GABRB2: variants seen among roughly 807,000 people sequenced by gnomAD.
GABRB2 encodes the protein gamma-aminobutyric acid type A receptor subunit beta2, also known as gamma-aminobutyric acid receptor subunit beta-2.
In GABRB2, 16 loss-of-function variants were observed where a neutral mutation model predicts 54.7. The observed-to-expected ratio is 0.29, with a 90% CI of 0.20 to 0.44. The LOEUF is 0.44. GABRB2 is among the 20% of genes least tolerant of loss of function. GABRB2 has a pLI of 1.00. For missense variants in GABRB2, 355 were observed against 644.0 expected (o/e 0.55, Z 4.86); for synonymous variants, 244 against 233.8 (o/e 1.04, Z -0.40).
chr5:161,375,248 A>G (rs1371731477), intron 5 of GABRB2, among the ~76,000 whole-genome samples: 1 of 152,236 alleles, frequency 6.6e-6, no homozygotes, highest in African/African-American at 2.4e-5. Context: ...TCTTCATGAT[A>G]CAGGTTACAA....
chr5:161,501,901 C>A (rs1759456642), intron 3 of GABRB2, among the ~76,000 whole-genome samples: 2 of 148,072 alleles, frequency 1.4e-5, no homozygotes, highest in African/African-American at 4.9e-5. Flanking sequence ...ATAAACATTT[C>A]ATTATTAAAA....
rs1757201759 is a variant in GABRB2, at chr5:161,290,319, C to G, written c.*3762G>C. 1.3e-5 allele frequency: 2 copies of G among 151,834 alleles called. No individual in the cohort carries two copies. Among genetic ancestry groups the G allele is most frequent in the African/African-American group, 2.4e-5 (1 of 41,198 alleles). 9.4% of individuals were successfully genotyped at this position (151,834 alleles called of 1,614,324 possible). A position where few individuals can be genotyped will look rare whatever the true frequency, so the allele number is the denominator to read the frequency against. On this transcript the variant is annotated 3_prime_UTR_variant, in exon 10 of 10. Coordinates refer to ENST00000393959, the MANE Select transcript of GABRB2 (RefSeq NM_001371727.1). The stretch of plus-strand genomic sequence containing the variant: ...TTTCTTAAGACATGTTTGTTTTTGA[C>G]TCACCAATGGACAATGTTATTTGTT...
chr5:161,512,867 C>T (rs1759820048), intron 3 of GABRB2, among the ~76,000 whole-genome samples: 2 of 150,020 alleles, frequency 1.3e-5, no homozygotes, highest in Non-Finnish European at 1.5e-5. Context: ...ATTAAACAAG[C>T]AAAAAAAATT....
At chr5:161,304,102 G>A (rs944740238) in intron 9 of GABRB2, among the ~76,000 whole-genome samples, 11 of 152,182 alleles carry the variant, frequency 7.2e-5, no homozygotes, top group African/African-American at 2.7e-4. Context: ...TAAGGCTAGG[G>A]AGGTCATATA....
intron 3 of GABRB2, among the ~76,000 whole-genome samples, chr5:161,520,953 T>C (rs1377567260): frequency 6.6e-6 from 1 of 152,012 alleles, no homozygotes; most frequent in Non-Finnish European, 1.5e-5. Flanking sequence ...AGGGATAAAA[T>C]AATACTTATT....
chr5:161,496,779 G>A (rs187281154), intron 3 of GABRB2, among the ~76,000 whole-genome samples: 112 of 152,212 alleles, frequency 7.4e-4, no homozygotes, highest in Admixed American at 1.2e-3. Context: ...ACTGGATAAT[G>A]TGATATTTTT....
chr5:161,494,618 G>A (rs1398221834), intron 3 of GABRB2, among the ~76,000 whole-genome samples: 1 of 150,006 alleles, frequency 6.7e-6, no homozygotes, highest in African/African-American at 2.4e-5. Flanking sequence ...ATCTTCCAAA[G>A]TATAAAAAGT....
chr5:161,505,705 A>T (rs1581041558), intron 3 of GABRB2, among the ~76,000 whole-genome samples: 1 of 152,226 alleles, frequency 6.6e-6, no homozygotes, highest in Non-Finnish European at 1.5e-5. Context: ...TGATCTCATC[A>T]CTAAGTTCAG....
At chr5:161,451,217 A>G (rs1260499387) in intron 4 of GABRB2, among the ~76,000 whole-genome samples, 1 of 152,146 alleles carries the variant, frequency 6.6e-6, no homozygotes, top group Non-Finnish European at 1.5e-5. Flanking sequence ...ACAAAGCAGG[A>G]GGTGGTTGAA....
intron 5 of GABRB2, among the ~76,000 whole-genome samples, chr5:161,398,402 T>C (rs955500453): frequency 6.6e-6 from 1 of 152,154 alleles, no homozygotes; most frequent in African/African-American, 2.4e-5. Flanking sequence ...CAAAACTGAC[T>C]TTGGCTAAAT....
intron 5 of GABRB2, among the ~76,000 whole-genome samples, chr5:161,366,037 G>T (rs1754962632): frequency 6.7e-6 from 1 of 150,328 alleles, no homozygotes; most frequent in South Asian, 2.1e-4. Context: ...GAATTCGCAT[G>T]AAAAGTTGTC....
intron 4 of GABRB2, among the ~76,000 whole-genome samples, chr5:161,450,595 A>G (rs1757763305): frequency 6.6e-6 from 1 of 152,130 alleles, no homozygotes; most frequent in Admixed American, 6.6e-5. Context: ...AGCAACAATA[A>G]TAACAAGCCC....
intron 4 of GABRB2, among the ~76,000 whole-genome samples, chr5:161,440,062 C>CAAAA (rs61152845): frequency 1.2e-4 from 9 of 77,180 alleles, no homozygotes; most frequent in East Asian, 3.7e-4. Flanking sequence ...AACCTCAAAC[C>CAAAA]AAAAAAAAAA....
At position 161,545,283 on chromosome 5, in the gene GABRB2, C is replaced by A. The variant is rs747969321; in HGVS notation, c.181G>T (p.Ala61Ser). 1.2e-6 allele frequency: 2 copies of A among 1,601,440 alleles called. No individual in the cohort carries two copies. Among genetic ancestry groups the A allele is most frequent in the Non-Finnish European group, 1.7e-6 (2 of 1,175,228 alleles). Residue 61 changes from alanine to serine, a missense_variant, in exon 3 of 10, where the codon GCT (alanine) becomes TCT (serine). Ala to Ser is a moderately conservative substitution (Grantham distance 99). This residue lies in a region of GABRB2 where 42 missense variants were observed against 99.7 expected (regional missense o/e 0.42). Coordinates refer to ENST00000393959, the MANE Select transcript of GABRB2 (RefSeq NM_001371727.1). ...LRPDFGGPPVAVGMNIDIASI... is the reference protein window; with the variant it reads ...LRPDFGGPPVSVGMNIDIASI... ...GCAATGTCAATGTTCATCCCCACAG[C>A]CACGGGGGGACCTGCAAAGCAAGAC... is the stretch of plus-strand genomic sequence containing the variant.
chr5:161,492,981 A>T lies in GABRB2; in HGVS notation c.238-33137T>A, dbSNP rs559486453. 1.7e-4 allele frequency among the ~76,000 whole-genome samples: 26 copies of T among 151,926 alleles called. No homozygotes were observed. The South Asian group carries it at 5.4e-3, about 31-fold the overall frequency. ...CTTGTTACAAATAATGCTAGAACAA[A>T]TATCATTGCAAATATATATTTTTGC... On this transcript the variant is annotated intron_variant, in intron 3 of 9. Transcript: ENST00000393959.
chr5:161,446,297 G>C (rs1757613805), intron 4 of GABRB2, among the ~76,000 whole-genome samples: 1 of 152,038 alleles, frequency 6.6e-6, no homozygotes, highest in African/African-American at 2.4e-5. Flanking sequence ...ATGAATTAAA[G>C]CTTCAGTGAT....
At chr5:161,407,892 G>A (rs1169708623) in intron 5 of GABRB2, among the ~76,000 whole-genome samples, 1 of 151,862 alleles carries the variant, frequency 6.6e-6, no homozygotes, top group African/African-American at 2.4e-5. Context: ...ATTTAATTCT[G>A]CAAATCTCAA....
intron 5 of GABRB2, among the ~76,000 whole-genome samples, chr5:161,355,636 C>A (rs1754600297): frequency 1.3e-5 from 2 of 151,812 alleles, no homozygotes; most frequent in Admixed American, 6.6e-5. Context: ...TTTTTATCTG[C>A]TATGTGTTCC....
rs115511437 is a variant in GABRB2, at chr5:161,477,570, G to T, written c.238-17726C>A. Among the ~76,000 whole-genome samples the T allele has an allele frequency of 9.7e-3, 1,473 of 152,040 alleles. 8 individuals are homozygous for T. The highest frequency in any genetic ancestry group is 0.024 in the Middle Eastern group (7 of 294). The stretch of plus-strand genomic sequence containing the variant: ...GTGGAAGCAACTCAAATGTCCATCA[G>T]TGGATGACAGGATAAACAAAATGAG... On this transcript the variant is annotated intron_variant, in intron 3 of 9. Transcript: ENST00000393959.
Sources: allele counts gnomAD v4.1 joint callset (sites outside exome capture counted in the v4.1 genomes callset), GRCh38; gene constraint gnomAD v4.1.1; regional missense constraint gnomAD v4.1.1; transcripts MANE v1.5; gene names NCBI Gene and HGNC (gene_info 2026-07-23, HGNC 2026-07-21).